SAMD12: variants seen among roughly 807,000 people sequenced by gnomAD.
SAMD12 encodes sterile alpha motif domain-containing protein 12.
SAMD12 carries 9 observed loss-of-function variants against 15.0 expected under a neutral mutation model. The ratio of observed to expected loss-of-function variants is 0.60; its 90% CI spans 0.36 to 1.05. The LOEUF is 1.05. Among genes scored for constraint, SAMD12 ranks in the 50% least tolerant of loss-of-function variants. The pLI is 0.01. For synonymous variants in SAMD12, 86 were observed against 90.1 expected (o/e 0.96, Z 0.25); for missense variants, 230 against 234.2 (o/e 0.98, Z 0.12).
chr8:118,285,085 C>T (rs1813898569), intron 4 of SAMD12: 1 of 152,024 alleles, frequency 6.6e-6, no homozygotes, highest in African/African-American at 2.4e-5. Flanking sequence ...GCAGGCTCCT[C>T]CTGAGTCCCC....
chr8:118,153,542 G>A, the SAMD12 span, among the ~76,000 whole-genome samples: 1 of 152,190 alleles, frequency 6.6e-6, no homozygotes, highest in Non-Finnish European at 1.5e-5. Context: ...AACTTACACA[G>A]GTAGCCCAGA....
chr8:118,261,890 T>G (rs912247514), intron 4 of SAMD12, among the ~76,000 whole-genome samples: 3 of 151,994 alleles, frequency 2.0e-5, no homozygotes, highest in Non-Finnish European at 4.4e-5. Context: ...TGACATCTTT[T>G]TTTTTTTTCT....
intron 2 of SAMD12, among the ~76,000 whole-genome samples, chr8:118,473,529 AC>A (rs1327266517): frequency 6.6e-6 from 1 of 152,112 alleles, no homozygotes; most frequent in Admixed American, 6.5e-5. Flanking sequence ...ATTTGCTGCC[AC>A]CCTGACTCTG....
chr8:118,329,464 G>T (rs894082869), intron 4 of SAMD12, among the ~76,000 whole-genome samples: 1 of 152,140 alleles, frequency 6.6e-6, no homozygotes, highest in Non-Finnish European at 1.5e-5. Context: ...ACAAACACCT[G>T]TCCATTAGCT....
intron 4 of SAMD12, among the ~76,000 whole-genome samples, chr8:118,364,606 A>T (rs1422744656): frequency 6.6e-6 from 1 of 152,204 alleles, no homozygotes; most frequent in East Asian, 1.9e-4. Context: ...TCACATGCAC[A>T]GAAGTCAACT....
At chr8:118,525,894 A>G (rs1825524209) in intron 2 of SAMD12, among the ~76,000 whole-genome samples, 1 of 152,246 alleles carries the variant, frequency 6.6e-6, no homozygotes, top group Non-Finnish European at 1.5e-5. Flanking sequence ...GATGGAGGAC[A>G]GAGCTGGTGC....
intron 4 of SAMD12, among the ~76,000 whole-genome samples, chr8:118,223,448 G>A (rs1337731664): frequency 6.6e-6 from 1 of 152,120 alleles, no homozygotes; most frequent in African/African-American, 2.4e-5. Context: ...TTCGACTTCT[G>A]GTCAGTTCTA....
At chr8:118,135,785 G>T in the SAMD12 span, among the ~76,000 whole-genome samples, 2,831 of 152,048 alleles carry the variant, frequency 0.019, 75 homozygotes, top group African/African-American at 0.064. Context: ...TTAAGCAATG[G>T]GAGGCCTGCT....
intron 4 of SAMD12, among the ~76,000 whole-genome samples, chr8:118,313,156 T>A (rs969539484): frequency 6.6e-6 from 1 of 152,126 alleles, no homozygotes; most frequent in Non-Finnish European, 1.5e-5. Flanking sequence ...TGCTGTGGGA[T>A]TTAAGGAAGG....
At chr8:118,438,281 CTT>C (rs1449547486) in intron 3 of SAMD12, among the ~76,000 whole-genome samples, 17 of 152,112 alleles carry the variant, frequency 1.1e-4, no homozygotes, top group Non-Finnish European at 8.8e-5. Context: ...ATTTTACTCT[CTT>C]GTTTGTTAAC....
At chr8:118,364,604 A>G (rs1818672247) in intron 4 of SAMD12, among the ~76,000 whole-genome samples, 1 of 152,152 alleles carries the variant, frequency 6.6e-6, no homozygotes, top group Admixed American at 6.5e-5. Context: ...TTTCACATGC[A>G]CAGAAGTCAA....
rs1184383281 is a variant in SAMD12, at chr8:118,320,069, A to G, written c.433+59491T>C. 4.6e-5 allele frequency among the ~76,000 whole-genome samples: 7 copies of G among 152,204 alleles called. No individual in the cohort carries two copies. In the South Asian group the frequency reaches 1.4e-3, roughly 32 times the overall value. The stretch of plus-strand genomic sequence containing the variant: ...AACTGCAGAGTAGGTAAGGAAAAGA[A>G]GAGTGAATTTCCTGAAGCTGAAGCA... On this transcript the variant is annotated intron_variant, in intron 4 of 4. Transcript: ENST00000409003.
chr8:118,407,798 T>A (rs1032545414), intron 3 of SAMD12, among the ~76,000 whole-genome samples: 5 of 152,154 alleles, frequency 3.3e-5, no homozygotes, highest in African/African-American at 7.2e-5. Flanking sequence ...TTTGCCCCTT[T>A]TTTCATTTGA....
intron 4 of SAMD12, among the ~76,000 whole-genome samples, chr8:118,277,951 T>C (rs1467475463): frequency 6.6e-6 from 1 of 152,198 alleles, no homozygotes; most frequent in Admixed American, 6.5e-5. Context: ...ATGTAGTTAT[T>C]TACCCAGCAC....
chr8:118,425,140 G>A (rs192182415), intron 3 of SAMD12, among the ~76,000 whole-genome samples: 14 of 152,120 alleles, frequency 9.2e-5, no homozygotes, highest in South Asian at 4.2e-4. Context: ...GGGTTTCACC[G>A]TGTTAGCCAG....
chr8:118,440,491 G>A (rs1248250598), intron 2 of SAMD12, among the ~76,000 whole-genome samples: 4 of 152,086 alleles, frequency 2.6e-5, no homozygotes, highest in Non-Finnish European at 5.9e-5. Flanking sequence ...GCCCTGAAAT[G>A]TCCAGGACCA....
At chr8:118,227,043 T>C (rs540620228) in intron 4 of SAMD12, among the ~76,000 whole-genome samples, 4 of 152,262 alleles carry the variant, frequency 2.6e-5, no homozygotes, top group South Asian at 2.1e-4. Context: ...TATAAATAAT[T>C]CTGCCATAAA....
intron 3 of SAMD12, among the ~76,000 whole-genome samples, chr8:118,414,716 G>GT (rs1221759174): frequency 6.6e-6 from 1 of 152,120 alleles, no homozygotes; most frequent in Non-Finnish European, 1.5e-5. Flanking sequence ...GGCATTGCTT[G>GT]TACGGCAGTA....
chr8:118,341,639 G>T (rs898723622), intron 4 of SAMD12, among the ~76,000 whole-genome samples: 1 of 152,156 alleles, frequency 6.6e-6, no homozygotes, highest in Admixed American at 6.5e-5. Context: ...GTGTCTTTGC[G>T]TAGTGGAAAG....
Sources: allele counts gnomAD v4.1 joint callset (sites outside exome capture counted in the v4.1 genomes callset), GRCh38; gene constraint gnomAD v4.1.1; transcripts MANE v1.5; gene names NCBI Gene and HGNC (gene_info 2026-07-23, HGNC 2026-07-21).